Variants in ACTR2 observed in about 807,000 individuals in gnomAD.
ACTR2 encodes actin-related protein 2.
ACTR2 carries 5 observed loss-of-function variants against 50.2 expected under a neutral mutation model. That is an observed-to-expected ratio of 0.10 (90% CI 0.05 to 0.21). The LOEUF (loss-of-function observed/expected upper bound fraction) is 0.21, where lower values mean the gene tolerates loss of function less well. ACTR2 is among the 10% of genes least tolerant of loss of function. The pLI is 1.00. For missense variants in ACTR2, 180 were observed against 480.6 expected, an observed-to-expected ratio of 0.37 and a Z score of 5.85; for synonymous variants, 140 against 162.9, an observed-to-expected ratio of 0.86 and a Z score of 1.07.
At chr2:65,262,139 T>C (rs1291587768) in intron 7 of ACTR2, among the ~76,000 whole-genome samples, 4 of 152,238 alleles carry the variant, frequency 2.6e-5, no homozygotes, top group African/African-American at 4.8e-5. Flanking sequence ...TAACCACTTA[T>C]CAGATGTCTG....
chr2:65,241,848 A>C (rs1671845654), intron 2 of ACTR2: 1 of 501,744 alleles, frequency 2.0e-6, no homozygotes, highest in Non-Finnish European at 3.4e-6. Flanking sequence ...TAATGAGTTA[A>C]TTTGCATTCA....
intron 3 of ACTR2, among the ~76,000 whole-genome samples, chr2:65,250,537 G>A (rs1440194431): frequency 6.6e-6 from 1 of 151,154 alleles, no homozygotes; most frequent in African/African-American, 2.4e-5. Context: ...GCCAGGCATG[G>A]TGGTGCATGC....
intron 6 of ACTR2, among the ~76,000 whole-genome samples, chr2:65,259,144 C>A (rs536281867): frequency 6.6e-6 from 1 of 151,938 alleles, no homozygotes; most frequent in Non-Finnish European, 1.5e-5. Flanking sequence ...TTGTAATTGG[C>A]CAGGCGCGGT....
chr2:65,253,648 T>C (rs1365365107), intron 4 of ACTR2, 80 bp from the exon 5 acceptor site: 5 of 1,455,042 alleles, frequency 3.4e-6, no homozygotes, highest in Non-Finnish European at 3.7e-6. Flanking sequence ...CTGTTTTGGC[T>C]TCCCTACTGT....
Position 65,239,999 on chromosome 2 carries a change from A to C in ACTR2, c.159+37A>C, listed in dbSNP as rs368533239. ...TTTATTGATAAATGATAATCAAGACATGTGAGGTGTTCTTATAAAAGTAGT... is the reference window on the plus strand; with the variant it reads ...TTTATTGATAAATGATAATCAAGACCTGTGAGGTGTTCTTATAAAAGTAGT... On this transcript the variant is annotated intron_variant, in intron 2 of 8. Transcript: ENST00000260641. The C allele has an allele frequency of 4.4e-6, 6 of 1,348,880 alleles. No individual in the cohort carries two copies. In the African/African-American group the frequency reaches 7.2e-5, roughly 16 times the overall value. 83.6% of individuals were successfully genotyped at this position (1,348,880 alleles called of 1,614,324 possible).
In ACTR2 at chr2:65,268,711, A is replaced by G; in HGVS notation, c.1162A>G (p.Lys388Glu). ...YQEKGVRVLE[K>E]LGVTVR ...AGAAAAGGGTGTCCGTGTGCTAGAG[A>G]AACTTGGTGTGACTGTTCGATAAAC... The change falls in exon 9 of 9, where the codon AAA becomes GAA. Residue 388 changes from lysine to glutamate, a missense_variant. Physicochemically the swap from Lys to Glu is moderately conservative, Grantham distance 56. Transcript: ENST00000260641. 6.2e-7 allele frequency: 1 copy of G among 1,613,772 alleles called. No homozygotes were observed. The highest frequency in any genetic ancestry group is 8.5e-7 in the Non-Finnish European group (1 of 1,179,818).
Position 65,246,581 on chromosome 2 carries a change from C to A in ACTR2, c.217C>A (p.Pro73Thr). The A allele has an allele frequency of 6.2e-7, 1 of 1,613,152 alleles. No homozygotes were observed. The change falls in exon 3 of 9, where the codon CCT (proline) becomes ACT (threonine). Residue 73 changes from proline to threonine, a missense_variant. By Grantham distance (38) the Pro-to-Thr change is conservative. Coordinates refer to ENST00000260641, the MANE Select transcript of ACTR2 (RefSeq NM_005722.4). ...ELRSMLEVNYPMENGIVRNWD... is the reference protein window; with the variant it reads ...ELRSMLEVNYTMENGIVRNWD... ...ACGATCAATGTTAGAAGTTAACTACCCTATGGAAAATGGCATAGTACGAAA... is the reference window on the plus strand; with the variant it reads ...ACGATCAATGTTAGAAGTTAACTACACTATGGAAAATGGCATAGTACGAAA...
Position 65,243,943 on chromosome 2 carries a change from A to G in ACTR2, c.160-2581A>G, listed in dbSNP as rs1178311897. ...GAGTGATGAAGGCAAGTTATATAAC[A>G]CTTAGTAGGATTTTTTTATTAAAAT... On this transcript the variant is annotated intron_variant, in intron 2 of 8. Coordinates refer to ENST00000260641, the MANE Select transcript of ACTR2 (RefSeq NM_005722.4). Among the ~76,000 whole-genome samples the G allele has an allele frequency of 8.7e-4, 133 of 152,088 alleles. 2 individuals carry two copies. The highest frequency in any genetic ancestry group is 5.9e-5 in the Non-Finnish European group (4 of 68,016).
chr2:65,264,180 G>T (rs1270221708), intron 7 of ACTR2, among the ~76,000 whole-genome samples: 1 of 152,172 alleles, frequency 6.6e-6, no homozygotes, highest in Non-Finnish European at 1.5e-5. Flanking sequence ...CTCAAATTTT[G>T]TTTTGTGTGT....
At chr2:65,243,340 A>C (rs1404289762) in intron 2 of ACTR2, among the ~76,000 whole-genome samples, 1 of 152,010 alleles carries the variant, frequency 6.6e-6, no homozygotes, top group Non-Finnish European at 1.5e-5. Flanking sequence ...ATTTTAACAG[A>C]AGTTTTTGAC....
At chr2:65,260,811 G>A (rs1451698189) in intron 6 of ACTR2, among the ~76,000 whole-genome samples, 1 of 148,200 alleles carries the variant, frequency 6.7e-6, no homozygotes, top group African/African-American at 2.5e-5. Context: ...CTCACTGCAA[G>A]CTCTGCCTCC....
intron 7 of ACTR2, among the ~76,000 whole-genome samples, chr2:65,264,152 C>T (rs1177987372): frequency 6.6e-6 from 1 of 152,182 alleles, no homozygotes; most frequent in Admixed American, 6.5e-5. Flanking sequence ...ACAGAGTTTG[C>T]ATTGCAAAGT....
At chr2:65,241,893 T>G (rs893295457) in intron 2 of ACTR2, 5 of 782,600 alleles carry the variant, frequency 6.4e-6, no homozygotes, top group African/African-American at 3.4e-5. Flanking sequence ...GCCCTAATTA[T>G]TAACTCCATT....
chr2:65,242,457 T>C (rs1245235072), intron 2 of ACTR2, among the ~76,000 whole-genome samples: 1 of 152,136 alleles, frequency 6.6e-6, no homozygotes, highest in Non-Finnish European at 1.5e-5. Flanking sequence ...TATTGACCAG[T>C]ATTAAATTGA....
chr2:65,228,128 C>T (rs892269100), intron 1 of ACTR2, 171 bp downstream of exon 1: 4 of 523,216 alleles, frequency 7.6e-6, no homozygotes, highest in Admixed American at 8.9e-5. Context: ...GTTCCCTGGT[C>T]TCCCTTGAGC....
Position 65,261,252 on chromosome 2 carries a change from A to C in ACTR2, c.741A>C (p.Pro247=), listed in dbSNP as rs778831198. 3 of 1,613,928 alleles carry C rather than the reference A, an allele frequency of 1.9e-6. No individual in the cohort carries two copies. The Admixed American group carries it at 5.0e-5, about 27-fold the overall frequency. ...TGATTATTCTTGGTTTCTAGCTCCCAGATGGACGTATCATCAAAGTTGGGG... is the reference window on the plus strand; with the variant it reads ...TGATTATTCTTGGTTTCTAGCTCCCCGATGGACGTATCATCAAAGTTGGGG... ...TTVLVESYTL[P]DGRIIKVGGE... is the part of the protein sequence containing the mutation. The change falls in exon 7 of 9, where the codon CCA becomes CCC. Residue 247 remains proline (P), a synonymous_variant. Coordinates refer to ENST00000260641, the MANE Select transcript of ACTR2 (RefSeq NM_005722.4).
intron 2 of ACTR2, among the ~76,000 whole-genome samples, chr2:65,243,287 AAAG>A (rs763051311): frequency 1.3e-5 from 2 of 152,016 alleles, no homozygotes; most frequent in Non-Finnish European, 2.9e-5. Flanking sequence ...AAAAAAAAGA[AAAG>A]AAAAGGAAAG....
chr2:65,244,017 GT>G (rs976415121), intron 2 of ACTR2, among the ~76,000 whole-genome samples: 2 of 151,998 alleles, frequency 1.3e-5, no homozygotes, highest in Non-Finnish European at 2.9e-5. Flanking sequence ...GTCAAACTTT[GT>G]ACTTCTTAAA....
intron 1 of ACTR2, among the ~76,000 whole-genome samples, chr2:65,228,736 A>T (rs756081402): frequency 1.3e-5 from 2 of 152,114 alleles, no homozygotes; most frequent in Non-Finnish European, 1.5e-5. Flanking sequence ...TCGTTTCAGT[A>T]TACAGGTAAT....
Sources: allele counts gnomAD v4.1 joint callset (sites outside exome capture counted in the v4.1 genomes callset), GRCh38; gene constraint gnomAD v4.1.1; transcripts MANE v1.5; gene names NCBI Gene and HGNC (gene_info 2026-07-23, HGNC 2026-07-21).